The following CEP112 variants were observed in gnomAD, a reference collection of about 807,000 sequenced individuals.
The protein encoded by CEP112 is centrosomal protein of 112 kDa.
CEP112 carries 127 observed loss-of-function variants against 153.0 expected under a neutral mutation model. The ratio of observed to expected loss-of-function variants is 0.83; its 90% CI spans 0.72 to 0.96. The LOEUF (loss-of-function observed/expected upper bound fraction) is 0.96. Among genes scored for constraint, CEP112 ranks in the 40% least tolerant of loss-of-function variants. CEP112 has a pLI of 0.00. For missense variants in CEP112, 1,089 were observed against 1,101.2 expected (o/e 0.99, Z 0.16); for synonymous variants, 358 against 374.4 (o/e 0.96, Z 0.51).
rs1567796006 is a variant in CEP112 at position 65,640,156 on chromosome 17, T to TATATATA, written c.2799+807_2799+808insTATATAT. On this transcript the variant is annotated intron_variant, in intron 25 of 26. Transcript: ENST00000535342. ...CCCGACCATATATATATATATATATTTTTTTTTTTTTTTTTTTGAGACAGT... is the reference window on the plus strand; with the variant it reads ...CCCGACCATATATATATATATATATTATATATATTTTTTTTTTTTTTTTTGAGACAGT... 9.2e-3 allele frequency among the ~76,000 whole-genome samples: 297 copies of TATATATA among 32,248 alleles called. 5 individuals carry two copies. The highest frequency in any genetic ancestry group is 0.064 in the African/African-American group (279 of 4,326). The allele number at this position is 32,248 out of a possible 152,430, so 21.2% of individuals were successfully genotyped here.
chr17:65,650,990 G>A (rs113327081), intron 24 of CEP112, among the ~76,000 whole-genome samples: 21,507 of 151,584 alleles, frequency 0.14, 1,862 homozygotes, highest in East Asian at 0.46. Context: ...TGGTTACATG[G>A]GTAAGTTCTT....
intron 21 of CEP112, among the ~76,000 whole-genome samples, chr17:65,788,356 T>C (rs1033981635): frequency 6.6e-6 from 1 of 152,204 alleles, no homozygotes; most frequent in Non-Finnish European, 1.5e-5. Context: ...AAGATTGGTA[T>C]GTAATTTGCT....
At chr17:66,068,104 A>G (rs1157104850) in intron 9 of CEP112, among the ~76,000 whole-genome samples, 1 of 152,234 alleles carries the variant, frequency 6.6e-6, no homozygotes, top group Non-Finnish European at 1.5e-5. Context: ...TAATCATTTA[A>G]TAAAATTTGT....
At chr17:66,120,896 G>A (rs2069548515) in intron 6 of CEP112, among the ~76,000 whole-genome samples, 1 of 151,952 alleles carries the variant, frequency 6.6e-6, no homozygotes, top group Admixed American at 6.6e-5. Context: ...GCTTACTTTG[G>A]GTTTAACTTG....
intron 12 of CEP112, among the ~76,000 whole-genome samples, chr17:66,047,850 T>G (rs1450446811): frequency 6.6e-6 from 1 of 152,182 alleles, no homozygotes; most frequent in African/African-American, 2.4e-5. Context: ...AAATTGATTC[T>G]AAATGTACAA....
In CEP112 at chr17:65,912,057, C is replaced by T. The variant is rs1181452031; in HGVS notation, c.1981-9723G>A. 3.9e-5 allele frequency among the ~76,000 whole-genome samples: 6 copies of T among 152,258 alleles called. No individual in the cohort carries two copies. The East Asian group carries it at 1.2e-3, about 29-fold the overall frequency. On this transcript the variant is annotated intron_variant, in intron 19 of 26. Transcript: ENST00000535342. ...ACAAACGGGTTCTGGGTCTGCGAACCAACTCAGATCGGGAAACTTGGTAGA... is the reference window on the plus strand; with the variant it reads ...ACAAACGGGTTCTGGGTCTGCGAACTAACTCAGATCGGGAAACTTGGTAGA...
At chr17:65,766,510 A>T (rs2052984657) in intron 21 of CEP112, among the ~76,000 whole-genome samples, 1 of 152,054 alleles carries the variant, frequency 6.6e-6, no homozygotes, top group African/African-American at 2.4e-5. Context: ...GGAGACAATA[A>T]ACAGCATAGC....
intron 5 of CEP112, 103 bp from the exon 6 acceptor site, chr17:66,129,926 G>A: frequency 3.2e-6 from 2 of 622,444 alleles, no homozygotes; most frequent in Non-Finnish European, 5.3e-6. Context: ...AAGAGATAAA[G>A]GGAAATAAAG....
In CEP112 at chr17:65,902,189, T is replaced by C. The variant is rs1321934094; in HGVS notation, c.2126A>G (p.Glu709Gly). 3 of 1,613,996 alleles carry C rather than the reference T, an allele frequency of 1.9e-6. No individual in the cohort carries two copies. Among genetic ancestry groups the C allele is most frequent in the South Asian group, 2.2e-5 (2 of 91,040 alleles). The stretch of plus-strand genomic sequence containing the variant: ...TTTCTTGAACTCCTGAATTTGATTT[T>C]CGTGCTCCATATTGGCAGCGCGAAG... ...KQLRAANMEH[E>G]NQIQEFKKRD... is the part of the protein sequence containing the mutation. Residue 709 changes from glutamate to glycine, a missense_variant, in exon 20 of 27, where the codon GAA (glutamate) becomes GGA (glycine). Coordinates refer to ENST00000535342, the MANE Select transcript of CEP112 (RefSeq NM_001199165.4).
Position 65,736,489 on chromosome 17 carries a change from G to T in CEP112, c.2607+6579C>A, listed in dbSNP as rs2050810903. Among the ~76,000 whole-genome samples the T allele has an allele frequency of 3.3e-5, 5 of 152,158 alleles. No homozygotes were observed. The South Asian group carries it at 1.0e-3, about 32-fold the overall frequency. ...GGTGATGAAAATTCAAAATTCATTTGTCTGGAAGTTAACATGAAGGGATGA... is the reference window on the plus strand; with the variant it reads ...GGTGATGAAAATTCAAAATTCATTTTTCTGGAAGTTAACATGAAGGGATGA... On this transcript the variant is annotated intron_variant, in intron 23 of 26. Coordinates refer to ENST00000535342, the MANE Select transcript of CEP112 (RefSeq NM_001199165.4).
intron 21 of CEP112, among the ~76,000 whole-genome samples, chr17:65,778,070 C>T (rs931691533): frequency 1.3e-5 from 2 of 152,122 alleles, no homozygotes; most frequent in Non-Finnish European, 2.9e-5. Flanking sequence ...ACTGTCCTGC[C>T]GAAGGATCAG....
intron 1 of CEP112, among the ~76,000 whole-genome samples, chr17:66,185,700 T>G (rs547852253): frequency 5.3e-5 from 8 of 152,206 alleles, no homozygotes; most frequent in African/African-American, 9.7e-5. Flanking sequence ...CTTTAAACTG[T>G]GAAATGTCCT....
chr17:65,921,045 C>A (rs1489938602), intron 19 of CEP112, among the ~76,000 whole-genome samples: 1 of 151,962 alleles, frequency 6.6e-6, no homozygotes, highest in Non-Finnish European at 1.5e-5. Context: ...CCCTTATCAT[C>A]CTCGACTGAC....
At chr17:66,024,896 T>C (rs1195483060) in intron 16 of CEP112, among the ~76,000 whole-genome samples, 1 of 152,154 alleles carries the variant, frequency 6.6e-6, no homozygotes, top group African/African-American at 2.4e-5. Context: ...CCTCAGATTA[T>C]ACTACAAGGT....
intron 23 of CEP112, among the ~76,000 whole-genome samples, chr17:65,727,644 C>A (rs1389828451): frequency 6.6e-6 from 1 of 152,126 alleles, no homozygotes; most frequent in Non-Finnish European, 1.5e-5. Flanking sequence ...GGAGGTAACC[C>A]TGATAGACTG....
chr17:65,637,176 G>T lies in CEP112; in HGVS notation c.2812C>A (p.Gln938Lys). 1.2e-6 allele frequency: 2 copies of T among 1,613,720 alleles called. No homozygotes were observed. Among genetic ancestry groups the T allele is most frequent in the Non-Finnish European group, 1.7e-6 (2 of 1,179,660 alleles). The change falls in exon 26 of 27, where the codon CAA becomes AAA. Residue 938 changes from glutamine (Q) to lysine (K), a missense_variant. By Grantham distance (53) the Gln-to-Lys change is moderately conservative. Coordinates refer to ENST00000535342, the MANE Select transcript of CEP112 (RefSeq NM_001199165.4). Reference protein sequence around the residue: ...SSLKSQVNFLQKRASILQEEL... With the variant: ...SSLKSQVNFLKKRASILQEEL... ...TCCTGAAGGATGGAAGCTCTCTTTTGCAGAAAATTAACCTAGAAAAGACAC... is the reference window on the plus strand; with the variant it reads ...TCCTGAAGGATGGAAGCTCTCTTTTTCAGAAAATTAACCTAGAAAAGACAC...
At chr17:65,783,755 G>A (rs1018632026) in intron 21 of CEP112, among the ~76,000 whole-genome samples, 1 of 152,126 alleles carries the variant, frequency 6.6e-6, no homozygotes, top group Non-Finnish European at 1.5e-5. Context: ...CAAAAATAAG[G>A]TGTCCAGTTG....
chr17:65,972,078 C>G (rs1370613411), intron 17 of CEP112, among the ~76,000 whole-genome samples: 1 of 152,094 alleles, frequency 6.6e-6, no homozygotes, highest in Non-Finnish European at 1.5e-5. Context: ...ATGGACTATT[C>G]CACCCAATCA....
chr17:65,936,801 T>TCCC (rs1568256193), intron 18 of CEP112, among the ~76,000 whole-genome samples: 2 of 90,814 alleles, frequency 2.2e-5, no homozygotes, highest in Admixed American at 1.5e-4. Context: ...CCTCTCCCCC[T>TCCC]CCCCCTCCCC....
Sources: allele counts gnomAD v4.1 joint callset (sites outside exome capture counted in the v4.1 genomes callset), GRCh38; gene constraint gnomAD v4.1.1; transcripts MANE v1.5; gene names NCBI Gene and HGNC (gene_info 2026-07-23, HGNC 2026-07-21).